The following LSAMP variants were observed in gnomAD, a reference collection of about 807,000 sequenced individuals.
The protein encoded by LSAMP is limbic system-associated membrane protein.
LSAMP carries 7 observed loss-of-function variants against 38.6 expected under a neutral mutation model. The ratio of observed to expected loss-of-function variants is 0.18; its 90% CI spans 0.10 to 0.34. The LOEUF is 0.34. LSAMP is among the 10% of genes least tolerant of loss of function. The pLI, the probability that LSAMP is intolerant of heterozygous loss-of-function variation, is 1.00. For missense variants in LSAMP, 313 were observed against 420.0 expected, an observed-to-expected ratio of 0.75 and a Z score of 2.23; for synonymous variants, 154 against 166.8, an observed-to-expected ratio of 0.92 and a Z score of 0.59.
chr3:116,222,108 C>A (rs953621715), intron 1 of LSAMP, among the ~76,000 whole-genome samples: 1 of 151,934 alleles, frequency 6.6e-6, no homozygotes, highest in Non-Finnish European at 1.5e-5. Flanking sequence ...TTTATACAAG[C>A]CTACTGATCC....
chr3:115,902,438 G>A (rs75248032), intron 3 of LSAMP, among the ~76,000 whole-genome samples: 4,270 of 152,066 alleles, frequency 0.028, 234 homozygotes, highest in African/African-American at 0.096. Context: ...TAGGAACGGG[G>A]CAAAAATTTC....
intron 3 of LSAMP, among the ~76,000 whole-genome samples, chr3:115,986,023 A>G (rs1939500852): frequency 6.6e-6 from 1 of 152,182 alleles, no homozygotes; most frequent in Admixed American, 6.6e-5. Context: ...GAGATGATCA[A>G]AGGAGAGAAT....
rs1192231855 is a variant in LSAMP, at chr3:116,113,008, A to T, written c.156-26452T>A. 2.0e-5 allele frequency among the ~76,000 whole-genome samples: 3 copies of T among 152,064 alleles called. No homozygotes were observed. In the East Asian group the frequency reaches 5.8e-4, roughly 29 times the overall value. On this transcript the variant is annotated intron_variant, in intron 1 of 6. Transcript: ENST00000490035. ...AGTAGATTCAGGCAGATGGAAAAAGACAGAAATGTATCTACAACAAATAAT... is the reference window on the plus strand; with the variant it reads ...AGTAGATTCAGGCAGATGGAAAAAGTCAGAAATGTATCTACAACAAATAAT...
intron 6 of LSAMP, among the ~76,000 whole-genome samples, chr3:115,819,541 C>T (rs1431105184): frequency 6.6e-6 from 1 of 152,124 alleles, no homozygotes; most frequent in Non-Finnish European, 1.5e-5. Flanking sequence ...TAAGAATCTA[C>T]ATGTTCTAAT....
At chr3:116,218,380 A>G (rs1243037276) in intron 1 of LSAMP, among the ~76,000 whole-genome samples, 2 of 152,172 alleles carry the variant, frequency 1.3e-5, no homozygotes, top group Non-Finnish European at 2.9e-5. Flanking sequence ...GTACAGCAAC[A>G]CTGGGTTTTT....
intron 2 of LSAMP, among the ~76,000 whole-genome samples, chr3:116,067,219 G>C (rs774625585): frequency 6.6e-6 from 1 of 152,056 alleles, no homozygotes; most frequent in Admixed American, 6.5e-5. Flanking sequence ...TACCCTCCTA[G>C]AGAGCATATA....
intron 1 of LSAMP, among the ~76,000 whole-genome samples, chr3:116,408,596 A>G (rs1471598236): frequency 6.6e-6 from 1 of 152,068 alleles, no homozygotes; most frequent in Non-Finnish European, 1.5e-5. Flanking sequence ...GCAGAGTAAA[A>G]ATAGGCATGT....
chr3:116,108,949 T>C (rs1708534095), intron 1 of LSAMP, among the ~76,000 whole-genome samples: 1 of 152,154 alleles, frequency 6.6e-6, no homozygotes, highest in Admixed American at 6.5e-5. Flanking sequence ...TTAAGTCCTG[T>C]TGTGGGGTTT....
chr3:116,445,232 A>C lies in LSAMP; in HGVS notation c.-201T>G, dbSNP rs1176058906. 2 of 596,302 alleles carry C rather than the reference A, an allele frequency of 3.4e-6. No homozygotes were observed. The highest frequency in any genetic ancestry group is 5.9e-6 in the Non-Finnish European group (2 of 336,244). The allele number at this position is 596,302 out of a possible 1,614,324, so 36.9% of individuals were successfully genotyped here. A position where few individuals can be genotyped will look rare whatever the true frequency, so the allele number is the denominator to read the frequency against. ...CTAAGACTTAACAAAGCCCTCATAAAACCCAAGCAGAAGGGTGAAAAGTAA... is the reference window on the plus strand; with the variant it reads ...CTAAGACTTAACAAAGCCCTCATAACACCCAAGCAGAAGGGTGAAAAGTAA... On this transcript the variant is annotated 5_prime_UTR_variant, in exon 1 of 7. Transcript: ENST00000490035.
chr3:115,898,913 A>C (rs1936799576), intron 3 of LSAMP, among the ~76,000 whole-genome samples: 1 of 152,106 alleles, frequency 6.6e-6, no homozygotes, highest in African/African-American at 2.4e-5. Context: ...TGCACACTTA[A>C]GTCTGGGTTG....
intron 1 of LSAMP, among the ~76,000 whole-genome samples, chr3:116,181,816 C>G (rs9827410): frequency 0.5 from 75,779 of 151,642 alleles, 21,422 homozygotes; most frequent in East Asian, 0.74. Flanking sequence ...GATTTCCTTA[C>G]AATGAGATTT....
At chr3:116,163,017 A>G (rs1214475608) in intron 1 of LSAMP, among the ~76,000 whole-genome samples, 1 of 152,108 alleles carries the variant, frequency 6.6e-6, no homozygotes, top group East Asian at 1.9e-4. Context: ...AGAGCTTGGG[A>G]AAGAGGGGCA....
intron 1 of LSAMP, among the ~76,000 whole-genome samples, chr3:116,319,048 G>A (rs1438343914): frequency 6.6e-6 from 1 of 151,982 alleles, no homozygotes. Flanking sequence ...AGAATTGGGG[G>A]GGTGGGGATT....
intron 1 of LSAMP, among the ~76,000 whole-genome samples, chr3:116,206,224 G>T (rs371099000): frequency 2.0e-5 from 3 of 149,068 alleles, no homozygotes; most frequent in African/African-American, 2.5e-5. Flanking sequence ...ATGGTAGTTT[G>T]TATTTCTGTG....
chr3:115,831,824 G>A (rs1188778622), intron 6 of LSAMP, among the ~76,000 whole-genome samples: 1 of 152,096 alleles, frequency 6.6e-6, no homozygotes, highest in African/African-American at 2.4e-5. Context: ...TATTTTATTT[G>A]TATCTTTTAA....
rs1364043110 is a variant in LSAMP, at chr3:115,840,058, A to C, written c.919+1787T>G. Among the ~76,000 whole-genome samples the C allele has an allele frequency of 2.0e-5, 3 of 152,046 alleles. No homozygotes were observed. In the East Asian group the frequency reaches 5.8e-4, roughly 29 times the overall value. On this transcript the variant is annotated intron_variant, in intron 6 of 6. Transcript: ENST00000490035. ...CTTTCCCTTCTCCCTCAAGTATTCCATCCTTCTAACCTCTTTCTTTTTCCT... is the reference window on the plus strand; with the variant it reads ...CTTTCCCTTCTCCCTCAAGTATTCCCTCCTTCTAACCTCTTTCTTTTTCCT...
intron 6 of LSAMP, among the ~76,000 whole-genome samples, chr3:115,840,987 A>G (rs959116295): frequency 6.6e-6 from 1 of 152,194 alleles, no homozygotes; most frequent in Non-Finnish European, 1.5e-5. Context: ...TCCAGATGTT[A>G]TCATTTTCCT....
At position 116,149,530 on chromosome 3, in the gene LSAMP, C is replaced by T. The variant is rs373007053; in HGVS notation, c.156-62974G>A. ...AGATTGAACCTTGGGCATTTGTCAG[C>T]GAGGTCTAATGCACATTTTGCTCTC... is the stretch of plus-strand genomic sequence containing the variant. On this transcript the variant is annotated intron_variant, in intron 1 of 6. Transcript: ENST00000490035. Among the ~76,000 whole-genome samples, 12 of 152,058 alleles carry T rather than the reference C, an allele frequency of 7.9e-5. No homozygotes were observed. The East Asian group carries it at 1.9e-3, about 25-fold the overall frequency.
chr3:116,109,876 C>T lies in LSAMP; in HGVS notation c.156-23320G>A, dbSNP rs368171328. Among the ~76,000 whole-genome samples, 17 of 142,368 alleles carry T rather than the reference C, an allele frequency of 1.2e-4. No homozygotes were observed. The East Asian group carries it at 2.8e-3, about 23-fold the overall frequency. The allele number at this position is 142,368 out of a possible 152,430, so 93.4% of individuals were successfully genotyped here. A position where few individuals can be genotyped will look rare whatever the true frequency, so the allele number is the denominator to read the frequency against. ...CCTCCAGAAAAGCGGGAAGGGGGGT[C>T]GGGGCATGGAAATAAGGGATTGGGG... On this transcript the variant is annotated intron_variant, in intron 1 of 6. Transcript: ENST00000490035.
Sources: allele counts gnomAD v4.1 joint callset (sites outside exome capture counted in the v4.1 genomes callset), GRCh38; gene constraint gnomAD v4.1.1; transcripts MANE v1.5; gene names NCBI Gene and HGNC (gene_info 2026-07-23, HGNC 2026-07-21).